The following DGLUCY variants were observed in gnomAD, a reference collection of about 807,000 sequenced individuals.
DGLUCY encodes D-glutamate cyclase.
Under a neutral mutation model 58.5 loss-of-function variants are expected in DGLUCY, and 58 were observed. The ratio of observed to expected loss-of-function variants is 0.99; its 90% CI spans 0.80 to 1.23. The LOEUF (loss-of-function observed/expected upper bound fraction) is 1.23. Among genes scored for constraint, DGLUCY ranks in the 50% most tolerant of loss-of-function variants. The pLI, the probability that DGLUCY is intolerant of heterozygous loss-of-function variation, is 0.00. For synonymous variants in DGLUCY, 325 were observed against 314.1 expected (o/e 1.03, Z -0.37); for missense variants, 779 against 784.7 (o/e 0.99, Z 0.09).
At chr14:91,191,908 C>G (rs1411012000) in intron 9 of DGLUCY, among the ~76,000 whole-genome samples, 2 of 152,052 alleles carry the variant, frequency 1.3e-5, no homozygotes, top group African/African-American at 4.8e-5. Flanking sequence ...GACATTTGCG[C>G]CCTGATGGAA....
intron 1 of DGLUCY, among the ~76,000 whole-genome samples, chr14:91,155,559 T>C (rs7157867): frequency 0.13 from 19,339 of 152,134 alleles, 2,572 homozygotes; most frequent in African/African-American, 0.34. Context: ...CCTATAATCC[T>C]GGCACTTTGA....
intron 1 of DGLUCY, among the ~76,000 whole-genome samples, chr14:91,142,138 GC>G (rs1013511759): frequency 4.6e-5 from 7 of 152,184 alleles, no homozygotes; most frequent in Non-Finnish European, 1.0e-4. Context: ...GAGCCATCGT[GC>G]CCGGCCAGAG....
In DGLUCY at chr14:91,224,708, G is replaced by C. The variant is rs1567021767; in HGVS notation, c.1741G>C (p.Val581Leu). The C allele has an allele frequency of 6.8e-6, 11 of 1,608,634 alleles. No individual in the cohort carries two copies. The highest frequency in any genetic ancestry group is 6.8e-6 in the Non-Finnish European group (8 of 1,175,946). ...GGAAGAAAAAATGCTGGGCATCTTG[G>C]TGCAGCACAAAGTCCGGAGTGGCGT... ...IKEEKMLGIL[V>L]QHKVRSGVSG... The change falls in exon 14 of 14, where the codon GTG becomes CTG. Residue 581 changes from valine (V) to leucine (L), a missense_variant. By Grantham distance (32) the Val-to-Leu change is conservative (BLOSUM62 1). Transcript: ENST00000256324.
chr14:91,173,267 A>ATTTT, intron 5 of DGLUCY, 22 bp from the exon 6 acceptor site: 10 of 1,420,332 alleles, frequency 7.0e-6, no homozygotes, highest in African/African-American at 1.5e-5. Context: ...TTTTCACTTG[A>ATTTT]TTTTTTTTTT....
intron 1 of DGLUCY, among the ~76,000 whole-genome samples, chr14:91,094,520 A>AG (rs979360875): frequency 1.5e-4 from 23 of 151,686 alleles, no homozygotes; most frequent in African/African-American, 5.3e-4. Flanking sequence ...GGGAGCCTGT[A>AG]GACATGGGTG....
chr14:91,117,336 A>G (rs1007653223), intron 1 of DGLUCY, among the ~76,000 whole-genome samples: 3 of 152,126 alleles, frequency 2.0e-5, no homozygotes, highest in East Asian at 1.9e-4. Context: ...CCTACCTCCT[A>G]TCTCATCCTG....
chr14:91,091,557 C>A (rs559132946), intron 1 of DGLUCY, among the ~76,000 whole-genome samples: 3 of 152,228 alleles, frequency 2.0e-5, no homozygotes, highest in East Asian at 3.9e-4. Flanking sequence ...ATAAAAACTT[C>A]TGTCCATTTG....
chr14:91,172,888 G>A (rs148279316), intron 5 of DGLUCY, among the ~76,000 whole-genome samples: 4,224 of 152,044 alleles, frequency 0.028, 69 homozygotes, highest in Non-Finnish European at 0.033. Context: ...CTCGTGATCC[G>A]CCCACCTCGG....
intron 1 of DGLUCY, among the ~76,000 whole-genome samples, chr14:91,075,100 CT>C (rs1428133027): frequency 1.3e-5 from 2 of 151,140 alleles, no homozygotes; most frequent in African/African-American, 4.9e-5. Flanking sequence ...AAGAATTGCT[CT>C]TCTTTTTATC....
chr14:91,070,539 C>CA (rs1355723876), intron 1 of DGLUCY, among the ~76,000 whole-genome samples: 1 of 151,840 alleles, frequency 6.6e-6, no homozygotes, highest in Non-Finnish European at 1.5e-5. Context: ...AAAAAATACT[C>CA]AAAGGTGAGG....
intron 9 of DGLUCY, among the ~76,000 whole-genome samples, chr14:91,190,515 C>A (rs1157902739): frequency 3.3e-5 from 5 of 152,006 alleles, no homozygotes; most frequent in Non-Finnish European, 5.9e-5. Flanking sequence ...CACAGAATGG[C>A]CAGGAAGACC....
At chr14:91,122,643 C>A (rs2045451042) in intron 1 of DGLUCY, among the ~76,000 whole-genome samples, 1 of 116,202 alleles carries the variant, frequency 8.6e-6, no homozygotes, top group Non-Finnish European at 1.6e-5. Context: ...CACTCTGTCG[C>A]CCAGACTGGA....
intron 5 of DGLUCY, 114 bp from the exon 6 acceptor site, chr14:91,173,175 T>A: frequency 9.0e-7 from 1 of 1,115,382 alleles, no homozygotes. Flanking sequence ...CTAATTTCTA[T>A]AACAGCTACT....
exon 1 of DGLUCY, chr14:91,060,510 C>T (rs1444569566): frequency 8.0e-6 from 10 of 1,251,242 alleles, no homozygotes; most frequent in African/African-American, 1.6e-5. Context: ...CCCCTCGCAG[C>T]CGCTGCCGCG....
At chr14:91,178,074 G>A (rs907354912) in intron 7 of DGLUCY, among the ~76,000 whole-genome samples, 3 of 152,228 alleles carry the variant, frequency 2.0e-5, no homozygotes, top group Non-Finnish European at 4.4e-5. Flanking sequence ...AGCATGGCAT[G>A]TTCCAGTCCT....
At chr14:91,175,865 A>G in intron 6 of DGLUCY, 69 bp from the exon 7 acceptor site, 1 of 1,562,822 alleles carries the variant, frequency 6.4e-7, no homozygotes, top group Middle Eastern at 1.7e-4. Flanking sequence ...AAAGAACCAT[A>G]AACTACTCAA....
At chr14:91,221,145 C>T (rs1887428087) in intron 13 of DGLUCY, among the ~76,000 whole-genome samples, 1 of 152,172 alleles carries the variant, frequency 6.6e-6, no homozygotes, top group South Asian at 2.1e-4. Flanking sequence ...TACTGAGCAC[C>T]CATGGTGACA....
In DGLUCY at chr14:91,142,459, T is replaced by C. The variant is rs112682707; in HGVS notation, c.-81-15180T>C. Among the ~76,000 whole-genome samples the C allele has an allele frequency of 3.9e-3, 593 of 152,234 alleles. 7 individuals are homozygous for C. The highest frequency in any genetic ancestry group is 0.014 in the African/African-American group (564 of 41,526). ...CTGGGGTGGACCAAATGCTGGGCTT[T>C]CCCTCCTTCTTTGAGTAGAAGAGGA... is the stretch of plus-strand genomic sequence containing the variant. On this transcript the variant is annotated intron_variant, in intron 1 of 13. Transcript: ENST00000256324.
At chr14:91,179,952 C>T (rs1212529295) in intron 7 of DGLUCY, among the ~76,000 whole-genome samples, 4 of 120,404 alleles carry the variant, frequency 3.3e-5, no homozygotes, top group Non-Finnish European at 4.8e-5. Flanking sequence ...AGTGCAGTGA[C>T]GTGTTCTCAG....
Sources: allele counts gnomAD v4.1 joint callset (sites outside exome capture counted in the v4.1 genomes callset), GRCh38; gene constraint gnomAD v4.1.1; transcripts MANE v1.5; gene names NCBI Gene and HGNC (gene_info 2026-07-23, HGNC 2026-07-21).